Variants in KIF13A observed in about 807,000 individuals in gnomAD.
KIF13A encodes the protein kinesin-like protein KIF13A.
A neutral mutation model predicts 212.2 loss-of-function variants in KIF13A; 79 were observed. That is an observed-to-expected ratio of 0.37 (90% CI 0.31 to 0.45). KIF13A has a LOEUF of 0.45. Ranked by LOEUF, KIF13A falls within the 20% of genes least tolerant of loss-of-function variation. The pLI, the probability that KIF13A is intolerant of heterozygous loss-of-function variation, is 1.00. For synonymous variants in KIF13A, 789 were observed against 808.6 expected (o/e 0.98, Z 0.41); for missense variants, 1,901 against 2,209.0 (o/e 0.86, Z 2.79).
intron 17 of KIF13A, among the ~76,000 whole-genome samples, chr6:17,814,882 G>A (rs1418833143): frequency 1.3e-5 from 2 of 152,196 alleles, no homozygotes; most frequent in East Asian, 1.9e-4. Context: ...CTCCTCGTGT[G>A]TGGAGATGAG....
At chr6:17,866,666 T>C (rs1769399007) in intron 4 of KIF13A, among the ~76,000 whole-genome samples, 1 of 151,848 alleles carries the variant, frequency 6.6e-6, no homozygotes, top group African/African-American at 2.4e-5. Flanking sequence ...GTACTATCTA[T>C]TGCTATTGTT....
chr6:17,826,566 GAGAGAGAGGC>G lies in KIF13A; in HGVS notation c.1533-452_1533-443del, dbSNP rs532537612. On this transcript the variant is annotated intron_variant, in intron 14 of 38. Transcript: ENST00000259711. The surrounding 1 kb of genome is among the most constrained non-coding windows in gnomAD (Gnocchi z 4.7). ...TCAACAAATAAAATGCAAGGAAGAA[GAGAGAGAGGC>G]AGAGAGAGACAGGGATAAACAGACA... 1.4e-4 allele frequency among the ~76,000 whole-genome samples: 22 copies of G among 152,224 alleles called. 1 individual carries two copies. The East Asian group carries it at 4.2e-3, about 29-fold the overall frequency.
chr6:17,830,961 C>T (rs1179976935), intron 13 of KIF13A, 140 bp downstream of exon 13: 6 of 695,086 alleles, frequency 8.6e-6, no homozygotes, highest in African/African-American at 5.4e-5. Flanking sequence ...CAGTGGTGAT[C>T]GGAGGGCACT....
chr6:17,974,617 A>G (rs1780118700), intron 2 of KIF13A, among the ~76,000 whole-genome samples: 1 of 151,930 alleles, frequency 6.6e-6, no homozygotes, highest in African/African-American at 2.4e-5. Flanking sequence ...TAAGTTTTAG[A>G]GTAGTTAAGC....
At chr6:17,974,977 G>A (rs1780179297) in intron 2 of KIF13A, among the ~76,000 whole-genome samples, 3 of 152,188 alleles carry the variant, frequency 2.0e-5, no homozygotes, top group South Asian at 2.1e-4. Flanking sequence ...ATTGGACAGT[G>A]CTGGTCTAGA....
chr6:17,845,975 G>A (rs1158941274), intron 9 of KIF13A, among the ~76,000 whole-genome samples: 1 of 148,990 alleles, frequency 6.7e-6, no homozygotes, highest in Non-Finnish European at 1.5e-5. Flanking sequence ...CCAAAGAAAC[G>A]TTAAGTGGGA....
intron 4 of KIF13A, among the ~76,000 whole-genome samples, chr6:17,862,675 A>G (rs1768918104): frequency 6.6e-6 from 1 of 152,110 alleles, no homozygotes; most frequent in Non-Finnish European, 1.5e-5. Flanking sequence ...TGAGCCGGGC[A>G]TGGTGGTTCA....
At chr6:17,822,926 C>A (rs12200950) in intron 16 of KIF13A, among the ~76,000 whole-genome samples, 28,997 of 152,250 alleles carry the variant, frequency 0.19, 2,934 homozygotes, top group South Asian at 0.32. Flanking sequence ...ACTGCAGGGC[C>A]AAAAGCCCCA....
chr6:17,964,055 T>C (rs1170386639), intron 2 of KIF13A, among the ~76,000 whole-genome samples: 1 of 152,168 alleles, frequency 6.6e-6, no homozygotes, highest in Non-Finnish European at 1.5e-5. Flanking sequence ...AGGTTCGTGG[T>C]TACAGTGAGC....
chr6:17,976,200 T>C (rs1182616218), intron 2 of KIF13A, among the ~76,000 whole-genome samples: 1 of 152,146 alleles, frequency 6.6e-6, no homozygotes, highest in Non-Finnish European at 1.5e-5. Flanking sequence ...TCCTCAGCCC[T>C]TGGGTGGTCG....
rs1581945335 is a variant in KIF13A, at chr6:17,794,402, A to C, written c.3076-7T>G. The stretch of plus-strand genomic sequence containing the variant: ...GTACTCTACGGGAATGACCCTGAAG[A>C]GGGTGGGGAGGAGTATGGGTGCCAG... On this transcript the variant is annotated splice_polypyrimidine_tract_variant and splice_region_variant and intron_variant, in intron 24 of 38. Transcript: ENST00000259711. This position sits in a 1 kb window ranked among gnomAD's most constrained non-coding sequence, Gnocchi z 4.1. The C allele has an allele frequency of 1.2e-6, 2 of 1,606,758 alleles. No homozygotes were observed. Among genetic ancestry groups the C allele is most frequent in the East Asian group, 2.2e-5 (1 of 44,684 alleles).
In KIF13A at chr6:17,914,572, C is replaced by T. The variant is rs575852147; in HGVS notation, c.147-16392G>A. Among the ~76,000 whole-genome samples the T allele has an allele frequency of 1.3e-4, 20 of 152,188 alleles. No individual in the cohort carries two copies. Among genetic ancestry groups the T allele is most frequent in the Admixed American group, 1.0e-3 (16 of 15,292 alleles). ...TTATGAAATCACTATCCACCAATAA[C>T]GGATCCTCAGCCCTTTTTTCAAATG... On this transcript the variant is annotated intron_variant, in intron 2 of 38. Transcript: ENST00000259711. This position sits in a 1 kb window ranked among gnomAD's most constrained non-coding sequence, Gnocchi z 5.9.
chr6:17,810,719 G>T (rs1763361582), intron 17 of KIF13A, among the ~76,000 whole-genome samples: 1 of 152,182 alleles, frequency 6.6e-6, no homozygotes, highest in Admixed American at 6.5e-5. Context: ...GGTAGACAGT[G>T]ATAGATCATC....
chr6:17,974,053 TAG>T (rs1780053531), intron 2 of KIF13A, among the ~76,000 whole-genome samples: 3 of 152,208 alleles, frequency 2.0e-5, no homozygotes, highest in South Asian at 2.1e-4. Context: ...TACATCTGTT[TAG>T]AGAGTCCTTA....
chr6:17,937,739 C>CTTTTTTTT (rs1487188222), intron 2 of KIF13A, among the ~76,000 whole-genome samples: 1 of 128,426 alleles, frequency 7.8e-6, no homozygotes, highest in African/African-American at 2.8e-5. Flanking sequence ...AATTTCTTTC[C>CTTTTTTTT]TTTTTTGTTT....
chr6:17,889,115 C>A (rs1050467262), intron 3 of KIF13A, among the ~76,000 whole-genome samples: 1 of 152,150 alleles, frequency 6.6e-6, no homozygotes, highest in African/African-American at 2.4e-5. Context: ...AAGGCAGTCA[C>A]AGATTGTGAA....
In KIF13A at chr6:17,855,962, C is replaced by T; in HGVS notation, c.313+68G>A. ...CTGGGCTCAGGAGATCCTCCCACCCCAGCCTCACCAAGTCCTGGGATTATA... is the reference window on the plus strand; with the variant it reads ...CTGGGCTCAGGAGATCCTCCCACCCTAGCCTCACCAAGTCCTGGGATTATA... On this transcript the variant is annotated intron_variant, in intron 5 of 38. Transcript: ENST00000259711. The surrounding 1 kb of genome is among the most constrained non-coding windows in gnomAD (Gnocchi z 4.1). The T allele has an allele frequency of 5.4e-6, 6 of 1,110,032 alleles. No individual in the cohort carries two copies. The highest frequency in any genetic ancestry group is 8.1e-6 in the Non-Finnish European group (6 of 738,186). 68.8% of individuals were successfully genotyped at this position (1,110,032 alleles called of 1,614,324 possible). A position where few individuals can be genotyped will look rare whatever the true frequency, so the allele number is the denominator to read the frequency against.
At chr6:17,985,515 C>A (rs1448703897) in intron 2 of KIF13A, among the ~76,000 whole-genome samples, 2 of 151,480 alleles carry the variant, frequency 1.3e-5, no homozygotes, top group Admixed American at 1.3e-4. Flanking sequence ...GCCAAGCCAG[C>A]AAGGAAAACA....
At chr6:17,973,638 C>T (rs1244113937) in intron 2 of KIF13A, among the ~76,000 whole-genome samples, 1 of 152,112 alleles carries the variant, frequency 6.6e-6, no homozygotes, top group Non-Finnish European at 1.5e-5. Context: ...AAAACCCTTA[C>T]AGACTATCTA....
Sources: allele counts gnomAD v4.1 joint callset (sites outside exome capture counted in the v4.1 genomes callset), GRCh38; gene constraint gnomAD v4.1.1; non-coding constraint Gnocchi (gnomAD v3.1); transcripts MANE v1.5; gene names NCBI Gene and HGNC (gene_info 2026-07-23, HGNC 2026-07-21).